STXBP5L: variants seen among roughly 807,000 people sequenced by gnomAD.
STXBP5L encodes syntaxin binding protein 5L, also known as syntaxin-binding protein 5-like.
In STXBP5L, 65 loss-of-function variants were observed where a neutral mutation model predicts 144.5. The ratio of observed to expected loss-of-function variants is 0.45; its 90% CI spans 0.37 to 0.55. STXBP5L has a LOEUF of 0.55. Among genes scored for constraint, STXBP5L ranks in the 20% least tolerant of loss-of-function variants. The pLI is 0.00. For missense variants in STXBP5L, 1,298 were observed against 1,405.5 expected (o/e 0.92, Z 1.22); for synonymous variants, 505 against 469.6 (o/e 1.08, Z -0.97).
chr3:121,060,975 G>C (rs2041245167), intron 5 of STXBP5L, among the ~76,000 whole-genome samples: 1 of 152,056 alleles, frequency 6.6e-6, no homozygotes, highest in Non-Finnish European at 1.5e-5. Flanking sequence ...ATCTCCTTCA[G>C]TTCTGCTCTG....
chr3:120,963,131 C>T lies in STXBP5L; in HGVS notation c.287+8094C>T, dbSNP rs1939077074. Among the ~76,000 whole-genome samples the T allele has an allele frequency of 2.0e-5, 3 of 152,234 alleles. No homozygotes were observed. The South Asian group carries it at 6.2e-4, about 32-fold the overall frequency. ...GATTTTTGCAGATTTATTTTGTATC[C>T]TGAGACTTTGCTGAAGTTGCTTATC... is the stretch of plus-strand genomic sequence containing the variant. On this transcript the variant is annotated intron_variant, in intron 3 of 26. Transcript: ENST00000471454.
chr3:121,347,643 A>G (rs78481670), intron 20 of STXBP5L, among the ~76,000 whole-genome samples: 118,309 of 152,030 alleles, frequency 0.78, 46,136 homozygotes, highest in East Asian at 0.93. Context: ...TTGAGCAGTC[A>G]TTTGTAGTTC....
intron 9 of STXBP5L, among the ~76,000 whole-genome samples, chr3:121,182,126 A>G (rs112630693): frequency 0.019 from 2,933 of 152,294 alleles, 88 homozygotes; most frequent in African/African-American, 0.066. Flanking sequence ...CAAGACAGAA[A>G]GACATCAAAG....
intron 3 of STXBP5L, among the ~76,000 whole-genome samples, chr3:121,022,369 A>C (rs905576577): frequency 3.3e-5 from 5 of 152,166 alleles, no homozygotes; most frequent in African/African-American, 1.2e-4. Flanking sequence ...AATCTGTACC[A>C]ATGCTATTGA....
At chr3:121,348,389 G>C (rs988643356) in intron 20 of STXBP5L, among the ~76,000 whole-genome samples, 1 of 152,112 alleles carries the variant, frequency 6.6e-6, no homozygotes, top group African/African-American at 2.4e-5. Context: ...TTGTGTCGAT[G>C]TTCATCAGGG....
At chr3:121,113,164 C>T (rs1405798155) in intron 5 of STXBP5L, among the ~76,000 whole-genome samples, 1 of 152,172 alleles carries the variant, frequency 6.6e-6, no homozygotes, top group African/African-American at 2.4e-5. Flanking sequence ...GTAGTTCTTA[C>T]ACTTTTCTTC....
intron 7 of STXBP5L, among the ~76,000 whole-genome samples, chr3:121,145,885 T>A (rs1577059995): frequency 6.6e-6 from 1 of 152,030 alleles, no homozygotes; most frequent in African/African-American, 2.4e-5. Flanking sequence ...GAGTGAAGAA[T>A]ATCTGCCCTC....
intron 20 of STXBP5L, among the ~76,000 whole-genome samples, chr3:121,326,313 A>G (rs2044146541): frequency 6.6e-6 from 1 of 151,972 alleles, no homozygotes; most frequent in African/African-American, 2.4e-5. Context: ...TAGGCTTTTT[A>G]TGGCTTTACC....
chr3:120,959,516 A>G (rs945256074), intron 3 of STXBP5L, among the ~76,000 whole-genome samples: 3 of 152,248 alleles, frequency 2.0e-5, no homozygotes, highest in Non-Finnish European at 4.4e-5. Flanking sequence ...ACAAGGCTAC[A>G]GTAAGCAAAA....
At chr3:121,004,710 T>G (rs1944115937) in intron 3 of STXBP5L, among the ~76,000 whole-genome samples, 1 of 152,182 alleles carries the variant, frequency 6.6e-6, no homozygotes, top group Non-Finnish European at 1.5e-5. Flanking sequence ...CTCTTCTTAT[T>G]TTGAGATACG....
intron 23 of STXBP5L, among the ~76,000 whole-genome samples, chr3:121,411,482 G>A (rs2047113613): frequency 6.6e-6 from 1 of 152,046 alleles, no homozygotes; most frequent in African/African-American, 2.4e-5. Context: ...CTGATTAAAA[G>A]GCAATGAGAC....
chr3:121,304,065 G>T (rs142452315), intron 19 of STXBP5L, among the ~76,000 whole-genome samples: 1 of 151,064 alleles, frequency 6.6e-6, no homozygotes, highest in Admixed American at 6.6e-5. Flanking sequence ...AAGGGGAAAA[G>T]AATTCCATGA....
intron 5 of STXBP5L, among the ~76,000 whole-genome samples, chr3:121,063,558 A>T (rs1007683993): frequency 6.6e-6 from 1 of 152,214 alleles, no homozygotes; most frequent in Non-Finnish European, 1.5e-5. Context: ...ACTAGCAGCC[A>T]GGAATGTTTA....
At chr3:120,925,811 A>G (rs1709594181) in intron 2 of STXBP5L, among the ~76,000 whole-genome samples, 1 of 152,198 alleles carries the variant, frequency 6.6e-6, no homozygotes. Flanking sequence ...GTGAAGCTAC[A>G]GGATTTTGCA....
intron 18 of STXBP5L, among the ~76,000 whole-genome samples, chr3:121,262,763 GT>G (rs1553752925): frequency 6.6e-6 from 1 of 152,124 alleles, no homozygotes; most frequent in Non-Finnish European, 1.5e-5. Context: ...TCAGCACAAG[GT>G]AAACATACCC....
intron 7 of STXBP5L, among the ~76,000 whole-genome samples, 176 bp from the exon 8 acceptor site, chr3:121,152,301 T>G (rs1381339067): frequency 2.6e-5 from 4 of 152,242 alleles, no homozygotes; most frequent in Admixed American, 6.5e-5. Context: ...GTGTTCATAT[T>G]GAAGCAGAGT....
At chr3:121,149,703 A>C (rs545425399) in intron 7 of STXBP5L, among the ~76,000 whole-genome samples, 5 of 152,172 alleles carry the variant, frequency 3.3e-5, no homozygotes, top group African/African-American at 1.2e-4. Flanking sequence ...TAAAATAGCA[A>C]TAAGAAAGTT....
At chr3:121,368,285 C>T (rs535530071) in intron 20 of STXBP5L, among the ~76,000 whole-genome samples, 26 of 152,112 alleles carry the variant, frequency 1.7e-4, no homozygotes, top group Admixed American at 2.6e-4. Context: ...TGTTTCATTT[C>T]GGTTATTATA....
intron 9 of STXBP5L, among the ~76,000 whole-genome samples, chr3:121,191,042 C>T (rs1482192250): frequency 1.3e-5 from 2 of 151,816 alleles, no homozygotes; most frequent in African/African-American, 4.8e-5. Context: ...AAGAGGCGCT[C>T]CTCACTTCCC....
Sources: gnomAD v4.1 joint callset for allele counts (sites outside exome capture counted in the v4.1 genomes callset) on GRCh38, gnomAD v4.1.1 for gene constraint, MANE v1.5 for transcripts, NCBI Gene and HGNC (gene_info 2026-07-23, HGNC 2026-07-21) for gene names.